KIF14: variants seen among roughly 807,000 people sequenced by gnomAD.
KIF14 encodes kinesin-like protein KIF14.
In KIF14, 98 loss-of-function variants were observed where a neutral mutation model predicts 176.2. The observed-to-expected ratio is 0.56, with a 90% CI of 0.47 to 0.66. KIF14 has a LOEUF of 0.66. Ranked by LOEUF, KIF14 falls within the 30% of genes least tolerant of loss-of-function variation. The pLI is 0.00. For missense variants in KIF14, 1,751 were observed against 1,920.4 expected (o/e 0.91, Z 1.65); for synonymous variants, 566 against 632.2 (o/e 0.90, Z 1.57).
chr1:200,567,047 G>A (rs535467254), intron 23 of KIF14, among the ~76,000 whole-genome samples: 13 of 151,752 alleles, frequency 8.6e-5, no homozygotes, highest in Non-Finnish European at 1.5e-4. Flanking sequence ...GGTGGTGGGC[G>A]CCTGTAATTC....
intron 1 of KIF14, among the ~76,000 whole-genome samples, chr1:200,619,218 G>A (rs1660564490): frequency 6.6e-6 from 1 of 152,170 alleles, no homozygotes; most frequent in African/African-American, 2.4e-5. Flanking sequence ...TACTTCCAGT[G>A]TGGGGAATGG....
intron 2 of KIF14, among the ~76,000 whole-genome samples, chr1:200,617,082 C>T (rs759398441): frequency 8.5e-5 from 13 of 152,146 alleles, no homozygotes; most frequent in Non-Finnish European, 1.8e-4. Context: ...ATTCTCCTGC[C>T]TCAGCCTCCC....
intron 2 of KIF14, among the ~76,000 whole-genome samples, 154 bp downstream of exon 2, chr1:200,617,458 C>T (rs1252775330): frequency 2.0e-5 from 3 of 152,204 alleles, no homozygotes; most frequent in Non-Finnish European, 4.4e-5. Context: ...ATTATCAACA[C>T]ACACTACAAC....
At chr1:200,579,051 C>T (rs78126275) in intron 21 of KIF14, among the ~76,000 whole-genome samples, 1 of 152,112 alleles carries the variant, frequency 6.6e-6, no homozygotes, top group African/African-American at 2.4e-5. Context: ...GATTGTGCCA[C>T]TGCACTCCAG....
intron 27 of KIF14, among the ~76,000 whole-genome samples, chr1:200,555,928 T>G (rs1656808882): frequency 6.6e-6 from 1 of 152,236 alleles, no homozygotes; most frequent in Non-Finnish European, 1.5e-5. Flanking sequence ...ATAACAAATT[T>G]TGTGTTATAC....
chr1:200,589,836 A>G (rs1191299710), intron 17 of KIF14, among the ~76,000 whole-genome samples: 1 of 151,696 alleles, frequency 6.6e-6, no homozygotes, highest in East Asian at 1.9e-4. Flanking sequence ...AACTTTTTGG[A>G]GAGACCGGTT....
intron 11 of KIF14, among the ~76,000 whole-genome samples, chr1:200,601,003 T>C (rs1659597874): frequency 6.6e-6 from 1 of 152,060 alleles, no homozygotes; most frequent in East Asian, 1.9e-4. Context: ...CTGCCTCAGC[T>C]TCCCGAGTAG....
Position 200,552,033 on chromosome 1 carries a change from G to A in KIF14, c.*1355C>T, listed in dbSNP as rs1656557913. ...TTACTTACAATCTCTTCCTAACAAG[G>A]AAACTATCAGATTTATTCATGGTAC... On this transcript the variant is annotated 3_prime_UTR_variant, in exon 30 of 30. Coordinates refer to ENST00000367350, the MANE Select transcript of KIF14 (RefSeq NM_014875.3). 6.6e-6 allele frequency: 1 copy of A among 152,174 alleles called. No homozygotes were observed. The highest frequency in any genetic ancestry group is 6.5e-5 in the Admixed American group (1 of 15,270). 9.4% of individuals were successfully genotyped at this position (152,174 alleles called of 1,614,324 possible).
rs770820316 is a variant in KIF14, at chr1:200,617,852, C to A, written c.872G>T (p.Cys291Phe). The part of the protein sequence containing the change: ...CTTEHKLTTK[C>F]SLPQLKSPAP... ...TGGGCTCTTAAGCTGAGGCAGGCTG[C>A]ACTTTGTTGTCAGTTTGTGTTCTGT... The change falls in exon 2 of 30, where the codon TGC becomes TTC. Residue 291 changes from cysteine to phenylalanine, a missense_variant. Physicochemically the swap from Cys to Phe is radical, Grantham distance 205. Coordinates refer to ENST00000367350, the MANE Select transcript of KIF14 (RefSeq NM_014875.3). The A allele has an allele frequency of 6.2e-7, 1 of 1,614,178 alleles. No individual in the cohort carries two copies. Among genetic ancestry groups the A allele is most frequent in the Non-Finnish European group, 8.5e-7 (1 of 1,180,022 alleles).
Position 200,565,571 on chromosome 1 carries a change from CA to C in KIF14, c.3759del (p.Phe1253LeufsTer11). The C allele has an allele frequency of 1.2e-6, 2 of 1,611,012 alleles. No homozygotes were observed. Among genetic ancestry groups the C allele is most frequent in the South Asian group, 1.1e-5 (1 of 90,216 alleles). On this transcript the variant is annotated frameshift_variant, in exon 24 of 30. Transcript: ENST00000367350. LOFTEE classifies it high-confidence loss of function. ...GTTCTTTCTTCATCATAACTCTGTC[CA>C]AAAAAATCTAACGAAGAACCAATCA... ...KELIGSSLDF[F>X]GQSYDEERTI...
chr1:200,573,216 CT>C (rs2102622149), intron 22 of KIF14, among the ~76,000 whole-genome samples: 1 of 152,200 alleles, frequency 6.6e-6, no homozygotes, highest in South Asian at 2.1e-4. Context: ...CTCACTTAAT[CT>C]TAATAGTAAA....
intron 15 of KIF14, among the ~76,000 whole-genome samples, chr1:200,592,532 C>A (rs903160078): frequency 6.6e-6 from 1 of 152,158 alleles, no homozygotes; most frequent in Non-Finnish European, 1.5e-5. Flanking sequence ...TGTGCCACCA[C>A]ACCCAGCTAA....
chr1:200,566,426 A>C (rs756472163), intron 23 of KIF14, among the ~76,000 whole-genome samples: 14 of 151,874 alleles, frequency 9.2e-5, no homozygotes, highest in Non-Finnish European at 1.9e-4. Context: ...CCCCATCTCT[A>C]TTAAAAATAC....
intron 14 of KIF14, among the ~76,000 whole-genome samples, chr1:200,597,875 C>G (rs1659430503): frequency 6.6e-6 from 1 of 152,132 alleles, no homozygotes; most frequent in African/African-American, 2.4e-5. Flanking sequence ...TTCATATGAA[C>G]AAAATTCACA....
chr1:200,611,415 T>C (rs912947985), intron 4 of KIF14, among the ~76,000 whole-genome samples: 9 of 152,092 alleles, frequency 5.9e-5, no homozygotes, highest in African/African-American at 1.9e-4. Context: ...GCTGGTGTCA[T>C]GAGAGAGAAA....
Position 200,615,492 on chromosome 1 carries a change from A to T in KIF14, c.1230T>A (p.Phe410Leu). The T allele has an allele frequency of 6.2e-7, 1 of 1,614,162 alleles. No individual in the cohort carries two copies. Among genetic ancestry groups the T allele is most frequent in the Non-Finnish European group, 8.5e-7 (1 of 1,179,994 alleles). The change falls in exon 3 of 30, where the codon TTT (phenylalanine) becomes TTA (leucine). Residue 410 changes from phenylalanine to leucine, a missense_variant. Coordinates refer to ENST00000367350, the MANE Select transcript of KIF14 (RefSeq NM_014875.3). ...TAGCGTAGTGAGGATGACATTCATC[A>T]AAAGACCAGAATGAAACATCATAAA... ...NFIYDVSFWS[F>L]DECHPHYASQ...
chr1:200,574,433 T>C (rs1158303709), intron 22 of KIF14, among the ~76,000 whole-genome samples: 1 of 152,214 alleles, frequency 6.6e-6, no homozygotes, highest in African/African-American at 2.4e-5. Flanking sequence ...ATCCTATTGA[T>C]TCTGCATCCT....
chr1:200,599,803 A>C (rs1659536410), intron 13 of KIF14, among the ~76,000 whole-genome samples: 1 of 152,222 alleles, frequency 6.6e-6, no homozygotes, highest in Non-Finnish European at 1.5e-5. Context: ...TGTAGAACCA[A>C]AGTAAATATA....
chr1:200,556,830 T>G (rs113121762), intron 27 of KIF14, among the ~76,000 whole-genome samples: 1 of 152,168 alleles, frequency 6.6e-6, no homozygotes, highest in African/African-American at 2.4e-5. Flanking sequence ...AAAACCAAAT[T>G]TGAGACGTCA....
Sources: allele counts gnomAD v4.1 joint callset (sites outside exome capture counted in the v4.1 genomes callset), GRCh38; gene constraint gnomAD v4.1.1; transcripts MANE v1.5; gene names NCBI Gene and HGNC (gene_info 2026-07-23, HGNC 2026-07-21).